Variants in ANKMY1 observed in about 807,000 individuals in gnomAD.
ANKMY1 encodes the protein ankyrin repeat and MYND domain containing 1.
A neutral mutation model predicts 102.0 loss-of-function variants in ANKMY1; 98 were observed. The ratio of observed to expected loss-of-function variants is 0.96; its 90% CI spans 0.82 to 1.14. The LOEUF is 1.14. Among genes scored for constraint, ANKMY1 ranks in the 50% most tolerant of loss-of-function variants. The probability of loss-of-function intolerance (pLI) is 0.00; values close to 1 mark genes in which losing one functional copy is unlikely to be tolerated. For synonymous variants in ANKMY1, 582 were observed against 559.9 expected, an observed-to-expected ratio of 1.04 and a Z score of -0.56; for missense variants, 1,330 against 1,347.6, an observed-to-expected ratio of 0.99 and a Z score of 0.20.
chr2:240,559,952 G>A (rs769572790), upstream of ANKMY1: 15 of 152,326 alleles, frequency 9.8e-5, no homozygotes, highest in Non-Finnish European at 2.9e-5. Context: ...AAAATTGAAG[G>A]AGTCTTAAAT....
intron 3 of ANKMY1, chr2:240,553,340 A>C: frequency 2.4e-6 from 1 of 417,650 alleles, no homozygotes; most frequent in Non-Finnish European, 4.5e-6. Flanking sequence ...TCAGGAGAGC[A>C]CGGACATGCC....
chr2:240,538,875 A>G (rs943489495), intron 4 of ANKMY1, among the ~76,000 whole-genome samples: 1 of 152,200 alleles, frequency 6.6e-6, no homozygotes, highest in Non-Finnish European at 1.5e-5. Context: ...GGATGCACCA[A>G]TCAGTACTCT....
chr2:240,505,430 C>G (rs1313102816), intron 13 of ANKMY1, among the ~76,000 whole-genome samples: 1 of 151,790 alleles, frequency 6.6e-6, no homozygotes, highest in Non-Finnish European at 1.5e-5. Context: ...CCTCTGCACT[C>G]CAGCCTGGGT....
Position 240,529,248 on chromosome 2 carries a change from G to A in ANKMY1, c.742C>T (p.Leu248Phe), listed in dbSNP as rs2084679020. 1 of 1,614,088 alleles carries A rather than the reference G, an allele frequency of 6.2e-7. No individual in the cohort carries two copies. Among genetic ancestry groups the A allele is most frequent in the African/African-American group, 1.3e-5 (1 of 74,928 alleles). The change falls in exon 5 of 18, where the codon CTT becomes TTT. Residue 248 changes from leucine to phenylalanine, a missense_variant. Coordinates refer to ENST00000401804, the MANE Select transcript of ANKMY1 (RefSeq NM_001282771.3). This position sits in a 1 kb window ranked among gnomAD's most constrained non-coding sequence, Gnocchi z 4.2. ...GGCAGCGTTAGGTTGTCATTCAGAAGAAACCGCTTATAGTCATAGAAAAAG... is the reference window on the plus strand; with the variant it reads ...GGCAGCGTTAGGTTGTCATTCAGAAAAAACCGCTTATAGTCATAGAAAAAG... ...DPFFYDYKRF[L>F]LNDNLTLPPE...
intron 10 of ANKMY1, 33 bp from the exon 11 acceptor site, chr2:240,512,034 C>A: frequency 6.6e-7 from 1 of 1,505,506 alleles, no homozygotes; most frequent in Non-Finnish European, 8.8e-7. Flanking sequence ...CCAGCGCCCA[C>A]GGACCTGCCG....
chr2:240,505,914 T>C (rs543387028), intron 13 of ANKMY1, among the ~76,000 whole-genome samples: 18 of 152,154 alleles, frequency 1.2e-4, no homozygotes, highest in African/African-American at 4.1e-4. Context: ...CAGTCAGAGA[T>C]GAGACCATTT....
chr2:240,521,202 C>T (rs957727178), intron 8 of ANKMY1, among the ~76,000 whole-genome samples: 3 of 151,906 alleles, frequency 2.0e-5, no homozygotes, highest in Non-Finnish European at 2.9e-5. Flanking sequence ...GGTGTAGGAT[C>T]GAGCCAAGCC....
chr2:240,487,427 T>C (rs898037770), intron 15 of ANKMY1, among the ~76,000 whole-genome samples: 1 of 152,256 alleles, frequency 6.6e-6, no homozygotes, highest in African/African-American at 2.4e-5. Context: ...CTATTGTGTA[T>C]TGTGCTGCAA....
At chr2:240,479,130 C>T (rs544692320), downstream of ANKMY1, among the ~76,000 whole-genome samples, 3 of 152,372 alleles carry the variant, frequency 2.0e-5, no homozygotes, top group Admixed American at 2.0e-4. Flanking sequence ...AACAAACGAG[C>T]ACCGCAAACC....
At position 240,552,834 on chromosome 2, in the gene ANKMY1, G is replaced by T. The variant is rs187086913; in HGVS notation, c.480+80C>A. ...TAGCTAAACAAATAAACTTCCCCAG[G>T]ACCGAAATATCTTTTTGTCCAGTGG... On this transcript the variant is annotated intron_variant, in intron 4 of 17. Coordinates refer to ENST00000401804, the MANE Select transcript of ANKMY1 (RefSeq NM_001282771.3). 6,690 of 1,600,008 alleles carry T rather than the reference G, an allele frequency of 4.2e-3. 16 individuals carry two copies. The highest frequency in any genetic ancestry group is 5.1e-3 in the Non-Finnish European group (5,962 of 1,172,628).
intron 7 of ANKMY1, 137 bp downstream of exon 7, chr2:240,525,548 C>T (rs572906833): frequency 3.5e-6 from 4 of 1,143,178 alleles, no homozygotes; most frequent in East Asian, 5.2e-5. Context: ...CTCTGTCTCT[C>T]TTGCCCACTC....
At chr2:240,471,243 G>A in the ANKMY1 span, among the ~76,000 whole-genome samples, 9 of 151,194 alleles carry the variant, frequency 6.0e-5, no homozygotes, top group African/African-American at 9.8e-5. Context: ...AACGCCTCAG[G>A]GACAGGAACT....
chr2:240,528,902 C>T, intron 5 of ANKMY1, 135 bp downstream of exon 5: 1 of 809,166 alleles, frequency 1.2e-6, no homozygotes, highest in Non-Finnish European at 2.0e-6. Flanking sequence ...ACATCAGTCA[C>T]TTAATGGGAG....
intron 14 of ANKMY1, 84 bp downstream of exon 14, chr2:240,500,368 C>T (rs1342427926): frequency 1.4e-5 from 20 of 1,410,526 alleles, no homozygotes; most frequent in Middle Eastern, 3.7e-4. Context: ...CCCAGCTTTG[C>T]CCCAGAGAAG....
In ANKMY1 at chr2:240,500,119, C is replaced by A; in HGVS notation, c.2645G>T (p.Arg882Leu). ...DYGYFRFFQDRRIARCPFHTL... is the reference protein window; with the variant it reads ...DYGYFRFFQDLRIARCPFHTL... ...GTGGAAGGGGCAGCGGGCAATCCTCCGGTCCTGCGGCACAGCACCAGGGTC... is the reference window on the plus strand; with the variant it reads ...GTGGAAGGGGCAGCGGGCAATCCTCAGGTCCTGCGGCACAGCACCAGGGTC... The change falls in exon 15 of 18, where the codon CGG becomes CTG. Residue 882 changes from arginine to leucine, a missense_variant. By Grantham distance (102) the Arg-to-Leu change is moderately radical (BLOSUM62 -2). Transcript: ENST00000401804. The A allele has an allele frequency of 6.3e-7, 1 of 1,598,686 alleles. No individual in the cohort carries two copies. The highest frequency in any genetic ancestry group is 1.7e-5 in the Admixed American group (1 of 58,164).
intron 15 of ANKMY1, among the ~76,000 whole-genome samples, chr2:240,483,640 C>G (rs2151858618): frequency 6.6e-6 from 1 of 152,206 alleles, no homozygotes; most frequent in South Asian, 2.1e-4. Context: ...TCAGAATTTT[C>G]CTCTTCCTTT....
At chr2:240,515,380 C>CA (rs1394734716) in intron 9 of ANKMY1, among the ~76,000 whole-genome samples, 2 of 152,048 alleles carry the variant, frequency 1.3e-5, no homozygotes, top group African/African-American at 4.8e-5. Flanking sequence ...ACTAAAAATA[C>CA]AAAAATTAGC....
intron 16 of ANKMY1, among the ~76,000 whole-genome samples, chr2:240,481,602 G>A (rs1438953898): frequency 6.6e-6 from 1 of 152,206 alleles, no homozygotes; most frequent in Non-Finnish European, 1.5e-5. Flanking sequence ...TCGATGGGTT[G>A]CTCAGGGTTT....
Position 240,520,365 on chromosome 2 carries a change from C to T in ANKMY1, c.2001G>A (p.Pro667=), listed in dbSNP as rs1302938435. The T allele has an allele frequency of 1.9e-6, 3 of 1,546,796 alleles. No individual in the cohort carries two copies. Among genetic ancestry groups the T allele is most frequent in the East Asian group, 2.4e-5 (1 of 41,532 alleles). Residue 667 remains proline, a synonymous_variant, in exon 9 of 18, where the codon CCG becomes CCA. Transcript: ENST00000401804. This position sits in a 1 kb window ranked among gnomAD's most constrained non-coding sequence, Gnocchi z 4.8. ...HGARTDICFP[P]QLSTLTPLHI... The stretch of plus-strand genomic sequence containing the variant: ...GCCCGCCCGCCGCGGCTCCTACCTG[C>T]GGCGGAAAGCAGATGTCGGTCCTCG...
Sources: gnomAD v4.1 joint callset for allele counts (sites outside exome capture counted in the v4.1 genomes callset) on GRCh38, gnomAD v4.1.1 for gene constraint, Gnocchi (gnomAD v3.1) non-coding constraint, MANE v1.5 for transcripts, NCBI Gene and HGNC (gene_info 2026-07-23, HGNC 2026-07-21) for gene names.